Variants in SVEP1 observed in about 807,000 individuals in gnomAD.
SVEP1 encodes the protein sushi, von Willebrand factor type A, EGF and pentraxin domain containing 1, also known as sushi, von Willebrand factor type A, EGF and pentraxin domain-containing protein 1.
A neutral mutation model predicts 367.3 loss-of-function variants in SVEP1; 164 were observed. The ratio of observed to expected loss-of-function variants is 0.45; its 90% CI spans 0.39 to 0.51. SVEP1 has a LOEUF of 0.51. Ranked by LOEUF, SVEP1 falls within the 20% of genes least tolerant of loss-of-function variation. SVEP1 has a pLI of 0.00. For synonymous variants in SVEP1, 1,666 were observed against 1,611.6 expected (o/e 1.03, Z -0.81); for missense variants, 4,117 against 4,425.3 (o/e 0.93, Z 1.98).
At chr9:110,503,293 C>T (rs1159007297) in intron 5 of SVEP1, 76 bp from the exon 6 acceptor site, 1 of 1,386,976 alleles carries the variant, frequency 7.2e-7, no homozygotes, top group Non-Finnish European at 9.9e-7. Flanking sequence ...TTAGCAATGC[C>T]TGCACATTGC....
intron 1 of SVEP1, among the ~76,000 whole-genome samples, chr9:110,551,889 G>C (rs1300210110): frequency 6.6e-6 from 1 of 152,082 alleles, no homozygotes; most frequent in Non-Finnish European, 1.5e-5. Flanking sequence ...TCACAGAAGA[G>C]ATGATTGACA....
At chr9:110,512,738 A>AC in intron 5 of SVEP1, 188 bp downstream of exon 5, 1 of 706,504 alleles carries the variant, frequency 1.4e-6, no homozygotes, top group Admixed American at 2.6e-5. Flanking sequence ...TAAAAGGCGT[A>AC]GTTTACAATT....
At chr9:110,548,025 A>C (rs1170048179) in intron 2 of SVEP1, among the ~76,000 whole-genome samples, 1 of 152,194 alleles carries the variant, frequency 6.6e-6, no homozygotes, top group Non-Finnish European at 1.5e-5. Context: ...CTCCTAGAAG[A>C]CAGAGGGATG....
intron 3 of SVEP1, among the ~76,000 whole-genome samples, chr9:110,528,932 G>T (rs2118812096): frequency 6.6e-6 from 1 of 151,818 alleles, no homozygotes; most frequent in South Asian, 2.1e-4. Flanking sequence ...TGGAGTCTTA[G>T]TCACAAATTC....
chr9:110,393,228 A>C (rs1376393050), intron 40 of SVEP1, among the ~76,000 whole-genome samples: 2 of 152,200 alleles, frequency 1.3e-5, no homozygotes, highest in Non-Finnish European at 2.9e-5. Flanking sequence ...AGGTTTCAAA[A>C]ACAGGAAAAC....
intron 3 of SVEP1, among the ~76,000 whole-genome samples, 153 bp downstream of exon 3, chr9:110,545,960 TAA>T (rs1170505027): frequency 6.6e-6 from 1 of 152,152 alleles, no homozygotes. Flanking sequence ...TGATGGCAAA[TAA>T]ATGAGTCAGC....
rs762586668 is a variant in SVEP1 at position 110,407,059 on chromosome 9, G to A, written c.8541C>T (p.Asp2847=). The change falls in exon 38 of 48, where the codon GAC becomes GAT. Residue 2847 remains aspartate, a synonymous_variant. Transcript: ENST00000374469. ...PVSANGQVRG[D]EYTFQKEIEY... ...CAATCTCTTTTTGGAATGTGTACTC[G>A]TCTCCTCTCACCTGGCCATTGGCTG... The A allele has an allele frequency of 1.9e-5, 30 of 1,613,744 alleles. No individual in the cohort carries two copies. Among genetic ancestry groups the A allele is most frequent in the South Asian group, 5.5e-5 (5 of 91,076 alleles).
At chr9:110,478,626 C>G (rs149500200) in intron 13 of SVEP1, among the ~76,000 whole-genome samples, 1 of 152,066 alleles carries the variant, frequency 6.6e-6, no homozygotes, top group South Asian at 2.1e-4. Flanking sequence ...GCCTAATGGG[C>G]GCAATATTTT....
intron 5 of SVEP1, among the ~76,000 whole-genome samples, chr9:110,503,974 T>A (rs1829581537): frequency 6.6e-6 from 1 of 152,188 alleles, no homozygotes; most frequent in African/African-American, 2.4e-5. Flanking sequence ...TGAGAGCCCA[T>A]AATATATAGC....
At chr9:110,513,874 T>G in intron 4 of SVEP1, 74 bp downstream of exon 4, 1 of 1,467,228 alleles carries the variant, frequency 6.8e-7, no homozygotes, top group Non-Finnish European at 9.2e-7. Context: ...ATGAATTAGG[T>G]GCAAACACAA....
At chr9:110,573,319 G>T (rs1007541597) in intron 1 of SVEP1, among the ~76,000 whole-genome samples, 1 of 152,174 alleles carries the variant, frequency 6.6e-6, no homozygotes, top group African/African-American at 2.4e-5. Flanking sequence ...TTCAGGGTTT[G>T]TTAGAAAACA....
intron 1 of SVEP1, among the ~76,000 whole-genome samples, chr9:110,565,476 T>C (rs1006971823): frequency 2.6e-5 from 4 of 152,166 alleles, no homozygotes; most frequent in African/African-American, 9.7e-5. Context: ...GAGGCAGATA[T>C]CTTGCAGCTA....
In SVEP1 at chr9:110,556,465, G is replaced by A. The variant is rs373872694; in HGVS notation, c.532-6361C>T. 8.5e-5 allele frequency among the ~76,000 whole-genome samples: 13 copies of A among 152,204 alleles called. No individual in the cohort carries two copies. The South Asian group carries it at 2.7e-3, about 32-fold the overall frequency. ...CAGCCTTCACTGAAAATACTAACTAGAGACGCTAATAAAGTCTTTTTTTGT... is the reference window on the plus strand; with the variant it reads ...CAGCCTTCACTGAAAATACTAACTAAAGACGCTAATAAAGTCTTTTTTTGT... On this transcript the variant is annotated intron_variant, in intron 1 of 47. Transcript: ENST00000374469.
chr9:110,402,537 T>TC (rs1827880373), intron 39 of SVEP1, among the ~76,000 whole-genome samples: 1 of 151,676 alleles, frequency 6.6e-6, no homozygotes. Context: ...AAAAGGGGGG[T>TC]CATACTATGT....
chr9:110,519,505 C>T (rs748404042), intron 3 of SVEP1, among the ~76,000 whole-genome samples: 9 of 152,138 alleles, frequency 5.9e-5, no homozygotes, highest in Non-Finnish European at 1.2e-4. Context: ...TGCCTTCTCG[C>T]GGAACCCACA....
In SVEP1 at chr9:110,546,021, G is replaced by A. The variant is rs111572729; in HGVS notation, c.964+94C>T. On this transcript the variant is annotated intron_variant, in intron 3 of 47. Coordinates refer to ENST00000374469, the MANE Select transcript of SVEP1 (RefSeq NM_153366.4). ...TGCCACTGACCCCACACACTAATGAGCAATAACAAGCATGTATTCCTTATA... is the reference window on the plus strand; with the variant it reads ...TGCCACTGACCCCACACACTAATGAACAATAACAAGCATGTATTCCTTATA... 3.1e-4 allele frequency: 428 copies of A among 1,403,252 alleles called. 2 individuals carry two copies. The African/African-American group carries it at 5.2e-3, about 17-fold the overall frequency. The allele number at this position is 1,403,252 out of a possible 1,614,324, so 86.9% of individuals were successfully genotyped here. A position where few individuals can be genotyped will look rare whatever the true frequency, so the allele number is the denominator to read the frequency against.
At chr9:110,454,516 A>T (rs910953497) in intron 22 of SVEP1, among the ~76,000 whole-genome samples, 1 of 152,238 alleles carries the variant, frequency 6.6e-6, no homozygotes, top group Admixed American at 6.5e-5. Flanking sequence ...TTGTAAGTTC[A>T]TCCCAGTGCT....
chr9:110,475,444 T>C (rs1588071576), intron 14 of SVEP1, among the ~76,000 whole-genome samples: 1 of 152,290 alleles, frequency 6.6e-6, no homozygotes, highest in East Asian at 1.9e-4. Context: ...AGCTAGTAGG[T>C]AGTGAGGCTA....
intron 22 of SVEP1, among the ~76,000 whole-genome samples, chr9:110,451,769 A>G (rs1466637672): frequency 6.6e-6 from 1 of 152,190 alleles, no homozygotes; most frequent in Admixed American, 6.5e-5. Context: ...CATTACAGTT[A>G]CAAAGTTGGC....
Sources: allele counts gnomAD v4.1 joint callset (sites outside exome capture counted in the v4.1 genomes callset), GRCh38; gene constraint gnomAD v4.1.1; transcripts MANE v1.5; gene names NCBI Gene and HGNC (gene_info 2026-07-23, HGNC 2026-07-21).